The following BCKDHB variants were observed in gnomAD, a reference collection of about 807,000 sequenced individuals.
The protein encoded by BCKDHB is branched chain keto acid dehydrogenase E1 subunit beta.
A neutral mutation model predicts 48.5 loss-of-function variants in BCKDHB; 41 were observed. The ratio of observed to expected loss-of-function variants is 0.85; its 90% CI spans 0.66 to 1.10. The LOEUF is 1.10. Ranked by LOEUF, BCKDHB falls within the 50% of genes least tolerant of loss-of-function variation. The pLI is 0.00. For synonymous variants in BCKDHB, 201 were observed against 174.8 expected (o/e 1.15, Z -1.18); for missense variants, 496 against 494.2 (o/e 1.00, Z -0.03).
intron 1 of BCKDHB, among the ~76,000 whole-genome samples, chr6:80,107,486 C>CGCGCATATATATGCATATATATGT (rs1446519151): frequency 8.2e-6 from 1 of 122,584 alleles, no homozygotes; most frequent in Non-Finnish European, 1.6e-5. Context: ...GATATATATA[C>CGCGCATATATATGCATATATATGT]GCGCATATAT....
chr6:80,389,912 C>A, the BCKDHB span, among the ~76,000 whole-genome samples: 1 of 152,118 alleles, frequency 6.6e-6, no homozygotes, highest in Non-Finnish European at 1.5e-5. Flanking sequence ...CCTAGTGATC[C>A]AGTAGCAAAA....
intron 6 of BCKDHB, among the ~76,000 whole-genome samples, chr6:80,172,314 G>C (rs1054501442): frequency 6.6e-6 from 1 of 151,828 alleles, no homozygotes; most frequent in South Asian, 2.1e-4. Context: ...TAAGGAACAT[G>C]GTCATTATAT....
the BCKDHB span, among the ~76,000 whole-genome samples, chr6:80,463,478 G>A: frequency 6.6e-6 from 1 of 152,170 alleles, no homozygotes; most frequent in Admixed American, 6.5e-5. Context: ...ACCAACATAT[G>A]AGAGTGAAAT....
chr6:80,227,919 T>G (rs1434789851), intron 8 of BCKDHB, among the ~76,000 whole-genome samples: 1 of 152,234 alleles, frequency 6.6e-6, no homozygotes, highest in Non-Finnish European at 1.5e-5. Flanking sequence ...GAAATATTTT[T>G]TCTTATGATT....
In BCKDHB at chr6:80,345,519, C is replaced by G. The variant is rs750743823; in HGVS notation, c.*1715C>G. The G allele has an allele frequency of 7.2e-5, 11 of 152,190 alleles. No individual in the cohort carries two copies. Among genetic ancestry groups the G allele is most frequent in the Non-Finnish European group, 1.5e-4 (10 of 68,042 alleles). The allele number at this position is 152,190 out of a possible 1,614,324, so 9.4% of individuals were successfully genotyped here. ...TGTGCTACCATAATCCCTACATTTT[C>G]TGTCTGTTCTAGTCTAAGAATATTG... On this transcript the variant is annotated 3_prime_UTR_variant, in exon 10 of 10. Coordinates refer to ENST00000320393, the MANE Select transcript of BCKDHB (RefSeq NM_183050.4).
intron 7 of BCKDHB, among the ~76,000 whole-genome samples, chr6:80,201,255 A>G (rs1774382747): frequency 6.6e-6 from 1 of 152,200 alleles, no homozygotes; most frequent in Non-Finnish European, 1.5e-5. Flanking sequence ...ATATATGCAT[A>G]CATTGTGAAA....
the BCKDHB span, among the ~76,000 whole-genome samples, chr6:80,462,456 G>A: frequency 3.3e-5 from 5 of 152,294 alleles, no homozygotes; most frequent in East Asian, 1.9e-4. Flanking sequence ...AGCATCAGAT[G>A]AGGATTTCTG....
chr6:80,419,387 C>A, the BCKDHB span, among the ~76,000 whole-genome samples: 62 of 152,218 alleles, frequency 4.1e-4, no homozygotes, highest in African/African-American at 1.3e-3. Context: ...GATGGCCAGG[C>A]TGGGGCCCCA....
chr6:80,130,595 C>G (rs1770577882), intron 3 of BCKDHB, among the ~76,000 whole-genome samples: 1 of 152,150 alleles, frequency 6.6e-6, no homozygotes, highest in Non-Finnish European at 1.5e-5. Context: ...ATCATTTAGA[C>G]TCCTGCTACA....
At chr6:80,386,712 C>G in the BCKDHB span, among the ~76,000 whole-genome samples, 1 of 150,718 alleles carries the variant, frequency 6.6e-6, no homozygotes, top group African/African-American at 2.4e-5. Context: ...GTGTAGAGCT[C>G]TGGCAGGCTA....
the BCKDHB span, among the ~76,000 whole-genome samples, chr6:80,435,623 C>T: frequency 6.6e-6 from 1 of 152,106 alleles, no homozygotes; most frequent in Admixed American, 6.5e-5. Flanking sequence ...GCAGCCTCTT[C>T]CATTAAGACA....
At chr6:80,217,064 G>T (rs1011224074) in intron 8 of BCKDHB, among the ~76,000 whole-genome samples, 1 of 152,056 alleles carries the variant, frequency 6.6e-6, no homozygotes, top group Admixed American at 6.5e-5. Context: ...CCAACATGGT[G>T]AAACCCCACC....
chr6:80,173,043 T>C (rs751839204), intron 6 of BCKDHB, among the ~76,000 whole-genome samples: 2 of 152,140 alleles, frequency 1.3e-5, no homozygotes, highest in African/African-American at 2.4e-5. Flanking sequence ...CCAGCTGTTA[T>C]AGCCAATCAG....
intron 7 of BCKDHB, 136 bp from the exon 8 acceptor site, chr6:80,202,966 C>A: frequency 1.4e-6 from 1 of 704,708 alleles, no homozygotes; most frequent in Non-Finnish European, 2.5e-6. Context: ...ATATTTAAAA[C>A]AAATTTATAA....
At chr6:80,436,156 T>TC in the BCKDHB span, among the ~76,000 whole-genome samples, 5 of 107,508 alleles carry the variant, frequency 4.7e-5, no homozygotes, top group African/African-American at 2.4e-4. Context: ...TCTTTTTTTT[T>TC]TTTTTTTTTT....
intron 8 of BCKDHB, among the ~76,000 whole-genome samples, chr6:80,226,610 C>T (rs979804954): frequency 1.3e-5 from 2 of 152,152 alleles, no homozygotes; most frequent in Non-Finnish European, 2.9e-5. Context: ...CTTGATTTTA[C>T]CAATTGTGTC....
chr6:80,167,584 C>G, intron 3 of BCKDHB, 94 bp from the exon 4 acceptor site: 1 of 1,281,308 alleles, frequency 7.8e-7, no homozygotes, highest in East Asian at 2.3e-5. Context: ...CTATACTTCT[C>G]CATCCCATTA....
the BCKDHB span, among the ~76,000 whole-genome samples, chr6:80,441,591 T>G: frequency 6.6e-6 from 1 of 152,228 alleles, no homozygotes; most frequent in Non-Finnish European, 1.5e-5. Flanking sequence ...TTTGTCATTT[T>G]AGATAAAGTT....
intron 6 of BCKDHB, among the ~76,000 whole-genome samples, chr6:80,193,720 A>C (rs929671258): frequency 4.0e-5 from 5 of 125,452 alleles, no homozygotes; most frequent in Admixed American, 1.5e-4. Context: ...ACTCTGTCTC[A>C]AAAAAAAAAA....
Sources: allele counts gnomAD v4.1 joint callset (sites outside exome capture counted in the v4.1 genomes callset), GRCh38; gene constraint gnomAD v4.1.1; transcripts MANE v1.5; gene names NCBI Gene and HGNC (gene_info 2026-07-23, HGNC 2026-07-21).